Variants in RAB3C observed in about 807,000 individuals in gnomAD.
The protein encoded by RAB3C is ras-related protein Rab-3C.
A neutral mutation model predicts 26.4 loss-of-function variants in RAB3C; 17 were observed. The observed-to-expected ratio is 0.64, with a 90% CI of 0.44 to 0.97. RAB3C has a LOEUF of 0.97. Among genes scored for constraint, RAB3C ranks in the 50% least tolerant of loss-of-function variants. The pLI is 0.00. For synonymous variants in RAB3C, 91 were observed against 95.9 expected, an observed-to-expected ratio of 0.95 and a Z score of 0.30; for missense variants, 242 against 281.9, an observed-to-expected ratio of 0.86 and a Z score of 1.01.
rs372071528 is a variant in RAB3C at position 58,717,813 on chromosome 5, C to A, written c.253-8189C>A. ...CCCCTTCCTCAACCCTGCTGTCTCT[C>A]TCCAGGTATCAAGTACTCTTGCACA... is the stretch of plus-strand genomic sequence containing the variant. On this transcript the variant is annotated intron_variant, in intron 2 of 4. Transcript: ENST00000282878. Among the ~76,000 whole-genome samples the A allele has an allele frequency of 1.6e-3, 239 of 152,164 alleles. 7 individuals carry two copies. The South Asian group carries it at 0.048, about 30-fold the overall frequency.
At chr5:58,807,158 C>T (rs1175893065) in intron 3 of RAB3C, among the ~76,000 whole-genome samples, 1 of 152,142 alleles carries the variant, frequency 6.6e-6, no homozygotes, top group Non-Finnish European at 1.5e-5. Flanking sequence ...ACACTTGCTG[C>T]TTCTTGCTTT....
Position 58,594,221 on chromosome 5 carries a change from C to T in RAB3C, c.24+10989C>T, listed in dbSNP as rs1003212245. On this transcript the variant is annotated intron_variant, in intron 1 of 4. Coordinates refer to ENST00000282878, the MANE Select transcript of RAB3C (RefSeq NM_138453.4). Reference sequence around the variant, plus strand: ...TCAAGTGGCCATAGCTCAAGGGATACTAAAGAGCCTGAAGAACAGATATGT... The same window carrying T: ...TCAAGTGGCCATAGCTCAAGGGATATTAAAGAGCCTGAAGAACAGATATGT... 8.5e-5 allele frequency among the ~76,000 whole-genome samples: 13 copies of T among 152,278 alleles called. No individual in the cohort carries two copies. In the East Asian group the frequency reaches 2.5e-3, roughly 29 times the overall value.
intron 3 of RAB3C, among the ~76,000 whole-genome samples, chr5:58,772,305 G>A (rs1742045790): frequency 6.6e-6 from 1 of 152,184 alleles, no homozygotes; most frequent in South Asian, 2.1e-4. Flanking sequence ...ACCTGATGAT[G>A]GTATTAAAAT....
chr5:58,801,564 C>T (rs969643662), intron 3 of RAB3C, among the ~76,000 whole-genome samples: 7 of 152,344 alleles, frequency 4.6e-5, no homozygotes, highest in Admixed American at 1.3e-4. Flanking sequence ...TACAGCATGG[C>T]ATCATCCCGT....
intron 2 of RAB3C, among the ~76,000 whole-genome samples, chr5:58,627,318 C>T (rs1033169272): frequency 2.0e-5 from 3 of 151,994 alleles, no homozygotes; most frequent in African/African-American, 7.2e-5. Context: ...TACAGTTATA[C>T]TGAACTGACC....
intron 1 of RAB3C, among the ~76,000 whole-genome samples, chr5:58,608,445 C>G (rs1314154060): frequency 6.6e-6 from 1 of 152,188 alleles, no homozygotes; most frequent in Non-Finnish European, 1.5e-5. Context: ...AAATGCTCAT[C>G]ATCACTGGCC....
chr5:58,586,341 G>A (rs951310154), intron 1 of RAB3C, among the ~76,000 whole-genome samples: 1 of 151,972 alleles, frequency 6.6e-6, no homozygotes, highest in African/African-American at 2.4e-5. Flanking sequence ...GAAAACCCAC[G>A]TTCTTTCCTC....
chr5:58,805,456 G>A (rs77269405), intron 3 of RAB3C, among the ~76,000 whole-genome samples: 2,458 of 151,522 alleles, frequency 0.016, 78 homozygotes, highest in East Asian at 0.11. Context: ...GTGGTAGTGC[G>A]CGCCTATAAT....
chr5:58,621,163 T>C (rs1746929415), intron 2 of RAB3C, among the ~76,000 whole-genome samples: 1 of 152,228 alleles, frequency 6.6e-6, no homozygotes, highest in African/African-American at 2.4e-5. Flanking sequence ...CACATCATCT[T>C]AGCCTATTAT....
At chr5:58,710,356 C>T (rs752328794) in intron 2 of RAB3C, among the ~76,000 whole-genome samples, 145 of 151,906 alleles carry the variant, frequency 9.5e-4, no homozygotes, top group Non-Finnish European at 5.4e-4. Context: ...CCCAGCACTT[C>T]GGGAGGCCAA....
intron 2 of RAB3C, among the ~76,000 whole-genome samples, chr5:58,629,031 A>G (rs1451453397): frequency 4.9e-4 from 32 of 65,724 alleles, no homozygotes; most frequent in Non-Finnish European, 7.7e-4. Context: ...CTTCTGGAAA[A>G]AAAAAAAAAA....
intron 4 of RAB3C, among the ~76,000 whole-genome samples, chr5:58,825,499 C>T (rs1157379006): frequency 1.3e-5 from 2 of 152,056 alleles, no homozygotes; most frequent in East Asian, 3.9e-4. Context: ...TCAGTGAGCT[C>T]TTTATTTTAT....
Position 58,610,194 on chromosome 5 carries a change from C to CTCTGTGTGTGTGTGTGTGTGTG in RAB3C, c.25-7448_25-7447insCTGTGTGTGTGTGTGTGTGTGT, listed in dbSNP as rs1746668435. Among the ~76,000 whole-genome samples the CTCTGTGTGTGTGTGTGTGTGTG allele has an allele frequency of 2.4e-4, 34 of 143,490 alleles. No individual in the cohort carries two copies. The South Asian group carries it at 7.3e-3, about 31-fold the overall frequency. 94.1% of individuals were successfully genotyped at this position (143,490 alleles called of 152,430 possible). ...TCAGAAAAAAATGATTTTTGTTTTT[C>CTCTGTGTGTGTGTGTGTGTGTG]TGTGTGTGTGTGTGTGTGTGTGTGT... is the stretch of plus-strand genomic sequence containing the variant. On this transcript the variant is annotated intron_variant, in intron 1 of 4. Transcript: ENST00000282878.
intron 1 of RAB3C, among the ~76,000 whole-genome samples, chr5:58,590,133 T>C (rs1746098010): frequency 6.6e-6 from 1 of 152,216 alleles, no homozygotes; most frequent in Admixed American, 6.5e-5. Flanking sequence ...TGGTTTTAAA[T>C]ATCCATTATA....
chr5:58,739,699 T>C (rs1038935043), intron 3 of RAB3C, among the ~76,000 whole-genome samples: 8 of 152,146 alleles, frequency 5.3e-5, no homozygotes, highest in African/African-American at 1.9e-4. Flanking sequence ...CCATCAATTT[T>C]CAAAGCAAGG....
At chr5:58,590,827 G>A (rs928425467) in intron 1 of RAB3C, among the ~76,000 whole-genome samples, 1 of 152,138 alleles carries the variant, frequency 6.6e-6, no homozygotes, top group Non-Finnish European at 1.5e-5. Flanking sequence ...TTACAGGTGT[G>A]AGCCACTGTG....
intron 1 of RAB3C, among the ~76,000 whole-genome samples, chr5:58,591,894 T>C (rs1746135279): frequency 7.7e-6 from 1 of 129,922 alleles, no homozygotes; most frequent in Non-Finnish European, 1.6e-5. Context: ...TCTTTTCTTT[T>C]TCTATTTTTT....
intron 3 of RAB3C, among the ~76,000 whole-genome samples, chr5:58,802,544 G>C (rs7727392): frequency 1.3e-5 from 2 of 152,184 alleles, no homozygotes; most frequent in Non-Finnish European, 2.9e-5. Context: ...AGTTGCAACC[G>C]TTCTTAGAAG....
At chr5:58,827,732 T>G (rs187335938) in intron 4 of RAB3C, among the ~76,000 whole-genome samples, 7 of 152,364 alleles carry the variant, frequency 4.6e-5, no homozygotes, top group Non-Finnish European at 8.8e-5. Context: ...CCAACACATG[T>G]GCATTCTTGG....
Sources: gnomAD v4.1 joint callset for allele counts (sites outside exome capture counted in the v4.1 genomes callset) on GRCh38, gnomAD v4.1.1 for gene constraint, MANE v1.5 for transcripts, NCBI Gene and HGNC (gene_info 2026-07-23, HGNC 2026-07-21) for gene names.